The following ZNF431 variants were observed in gnomAD, a reference collection of about 807,000 sequenced individuals.
ZNF431 encodes zinc finger protein 431.
Under a neutral mutation model 57.0 loss-of-function variants are expected in ZNF431, and 34 were observed. That is an observed-to-expected ratio of 0.60 (90% CI 0.45 to 0.79). ZNF431 has a LOEUF of 0.79. Among genes scored for constraint, ZNF431 ranks in the 30% least tolerant of loss-of-function variants. ZNF431 has a pLI of 0.00. For missense variants in ZNF431, 607 were observed against 667.1 expected (o/e 0.91, Z 0.99); for synonymous variants, 207 against 220.3 (o/e 0.94, Z 0.54).
rs182117642 is a variant in ZNF431 at position 21,184,195 on chromosome 19, C to T, written c.*161C>T. The T allele has an allele frequency of 1.1e-3, 639 of 600,628 alleles. 3 individuals are homozygous for T. The African/African-American group carries it at 0.011, about 10-fold the overall frequency. The allele number at this position is 600,628 out of a possible 1,614,324, so 37.2% of individuals were successfully genotyped here. A position where few individuals can be genotyped will look rare whatever the true frequency, so the allele number is the denominator to read the frequency against. Reference sequence around the variant, plus strand: ...TGAAACCCTGTCTCTACTAAAAATACAAAAATTATCTGGGTGTGGTGGCAC... The same window carrying T: ...TGAAACCCTGTCTCTACTAAAAATATAAAAATTATCTGGGTGTGGTGGCAC... On this transcript the variant is annotated 3_prime_UTR_variant, in exon 5 of 5. Transcript: ENST00000311048.
At chr19:21,167,179 G>A (rs1367053768) in intron 3 of ZNF431, among the ~76,000 whole-genome samples, 1 of 138,388 alleles carries the variant, frequency 7.2e-6, no homozygotes, top group Admixed American at 7.5e-5. Context: ...TTTTTTTTTT[G>A]AGATGGAAGT....
intron 1 of ZNF431, among the ~76,000 whole-genome samples, chr19:21,142,991 C>T (rs999750973): frequency 1.3e-5 from 2 of 151,958 alleles, no homozygotes; most frequent in African/African-American, 4.8e-5. Context: ...GCTGATTTTC[C>T]GCTGCATTTT....
chr19:21,185,219 A>G lies in ZNF431; in HGVS notation c.*1185A>G, dbSNP rs1475599098. On this transcript the variant is annotated 3_prime_UTR_variant, in exon 5 of 5. Transcript: ENST00000311048. Reference sequence around the variant, plus strand: ...TGCTAAGTATAGAAAATCTGAAACTAAAGTTGGTAGAAAAGTTATTTGTAT... The same window carrying G: ...TGCTAAGTATAGAAAATCTGAAACTGAAGTTGGTAGAAAAGTTATTTGTAT... 1 of 152,210 alleles carries G rather than the reference A, an allele frequency of 6.6e-6. No individual in the cohort carries two copies. The highest frequency in any genetic ancestry group is 6.5e-5 in the Admixed American group (1 of 15,278). The allele number at this position is 152,210 out of a possible 1,614,324, so 9.4% of individuals were successfully genotyped here.
At chr19:21,162,883 C>A in intron 2 of ZNF431, 1 of 373,670 alleles carries the variant, frequency 2.7e-6, no homozygotes, top group Non-Finnish European at 3.7e-6. Context: ...AGTTGCTCCA[C>A]AAGTAACAAA....
In ZNF431 at chr19:21,166,451, G is replaced by A. The variant is rs756969718; in HGVS notation, c.213G>A (p.Leu71=). The A allele has an allele frequency of 1.1e-5, 17 of 1,605,362 alleles. No individual in the cohort carries two copies. Among genetic ancestry groups the A allele is most frequent in the Non-Finnish European group, 1.4e-5 (17 of 1,177,398 alleles). ...MNVMLENYKN[L]VFLGVAVSKQ... is the part of the protein sequence containing the mutation. Reference sequence around the variant, plus strand: ...TGATGTTAGAAAACTACAAAAACCTGGTCTTCTTGGGTGAGAATAACTTTC... The same window carrying A: ...TGATGTTAGAAAACTACAAAAACCTAGTCTTCTTGGGTGAGAATAACTTTC... The change falls in exon 3 of 5, where the codon CTG becomes CTA. Residue 71 remains leucine (L), a synonymous_variant. Coordinates refer to ENST00000311048, the MANE Select transcript of ZNF431 (RefSeq NM_133473.4).
chr19:21,147,095 T>A (rs79406401), intron 2 of ZNF431, among the ~76,000 whole-genome samples: 1 of 152,256 alleles, frequency 6.6e-6, no homozygotes, highest in African/African-American at 2.4e-5. Context: ...ATTCCTGTTC[T>A]GTTTGATTGT....
chr19:21,174,372 C>T (rs1434612699), intron 4 of ZNF431, among the ~76,000 whole-genome samples: 6 of 152,110 alleles, frequency 3.9e-5, no homozygotes, highest in Admixed American at 2.6e-4. Flanking sequence ...TTTCTTCCTT[C>T]ACCTTTGTCA....
chr19:21,192,802 T>C lies in ZNF431; in HGVS notation c.*8768T>C, dbSNP rs1402407992. On this transcript the variant is annotated 3_prime_UTR_variant, in exon 5 of 5. Coordinates refer to ENST00000311048, the MANE Select transcript of ZNF431 (RefSeq NM_133473.4). ...TTTTCAGCGATTTATCATAAGGGAA[T>C]GTCAAATTCTGTCAAACTTCTATTG... 6.6e-6 allele frequency: 1 copy of C among 152,216 alleles called. No individual in the cohort carries two copies. Among genetic ancestry groups the C allele is most frequent in the East Asian group, 1.9e-4 (1 of 5,198 alleles). 9.4% of individuals were successfully genotyped at this position (152,216 alleles called of 1,614,324 possible).
intron 2 of ZNF431, among the ~76,000 whole-genome samples, chr19:21,152,738 C>T (rs914407999): frequency 3.9e-5 from 6 of 152,088 alleles, no homozygotes; most frequent in African/African-American, 1.4e-4. Flanking sequence ...CAATCCCATC[C>T]TTTACTCAGG....
chr19:21,182,961 A>C lies in ZNF431; in HGVS notation c.658A>C (p.Ser220Arg), dbSNP rs761711022. 9 of 1,614,010 alleles carry C rather than the reference A, an allele frequency of 5.6e-6. No individual in the cohort carries two copies. Among genetic ancestry groups the C allele is most frequent in the Middle Eastern group, 3.3e-4 (2 of 6,084 alleles). Residue 220 changes from serine to arginine, a missense_variant, in exon 5 of 5, where the codon AGT (serine) becomes CGT (arginine). By Grantham distance (110) the Ser-to-Arg change is moderately radical. Coordinates refer to ENST00000311048, the MANE Select transcript of ZNF431 (RefSeq NM_133473.4). The part of the protein sequence containing the change: ...GKSFCMLLHL[S>R]QHKRIHIREN... ...ATCATTTTGCATGCTTTTACACCTAAGTCAACATAAAAGAATTCATATTAG... is the reference window on the plus strand; with the variant it reads ...ATCATTTTGCATGCTTTTACACCTACGTCAACATAAAAGAATTCATATTAG...
intron 2 of ZNF431, among the ~76,000 whole-genome samples, chr19:21,161,881 C>T (rs1040017473): frequency 2.0e-5 from 3 of 152,016 alleles, no homozygotes; most frequent in Admixed American, 6.6e-5. Flanking sequence ...CTCGAACTCC[C>T]GACCTCAGGT....
chr19:21,180,678 G>T (rs1004254736), intron 4 of ZNF431, among the ~76,000 whole-genome samples: 1 of 148,364 alleles, frequency 6.7e-6, no homozygotes, highest in Non-Finnish European at 1.5e-5. Context: ...GCCAGGTGTC[G>T]TGGCTCACAC....
intron 4 of ZNF431, among the ~76,000 whole-genome samples, chr19:21,176,985 AC>A (rs60938439): frequency 0.17 from 26,161 of 152,192 alleles, 2,668 homozygotes; most frequent in African/African-American, 0.28. Context: ...GGCGTGAGCC[AC>A]CACACCTGGT....
intron 4 of ZNF431, among the ~76,000 whole-genome samples, chr19:21,177,555 G>A (rs1423547045): frequency 6.6e-6 from 1 of 152,174 alleles, no homozygotes; most frequent in Non-Finnish European, 1.5e-5. Context: ...GGGAGGCTGA[G>A]GCGGGTGGAT....
chr19:21,146,521 T>G (rs1970101912), intron 2 of ZNF431, among the ~76,000 whole-genome samples: 1 of 152,174 alleles, frequency 6.6e-6, no homozygotes, highest in African/African-American at 2.4e-5. Flanking sequence ...TGGTTATTTC[T>G]TGATTATATG....
rs1283160885 is a variant in ZNF431, at chr19:21,182,893, G to A, written c.590G>A (p.Arg197Lys). 6.2e-7 allele frequency: 1 copy of A among 1,613,960 alleles called. No homozygotes were observed. Among genetic ancestry groups the A allele is most frequent in the South Asian group, 1.1e-5 (1 of 91,070 alleles). ...KFLNANRHKT[R>K]HTGKKPFKCK... ...TTAAATGCAAATAGACATAAGACAA[G>A]ACATACTGGAAAGAAACCTTTCAAA... The change falls in exon 5 of 5, where the codon AGA becomes AAA. Residue 197 changes from arginine (R) to lysine (K), a missense_variant. By Grantham distance (26) the Arg-to-Lys change is conservative (BLOSUM62 2). Transcript: ENST00000311048.
At chr19:21,164,882 A>G (rs1970674740) in intron 2 of ZNF431, among the ~76,000 whole-genome samples, 1 of 151,972 alleles carries the variant, frequency 6.6e-6, no homozygotes, top group East Asian at 1.9e-4. Flanking sequence ...AGGCCGAGGC[A>G]GGTGGATCAC....
At position 21,189,947 on chromosome 19, in the gene ZNF431, C is replaced by G; in HGVS notation, c.*5913C>G. ...TTGCTTGAGCCCAGGAGTTTGAGAC[C>G]AGCCTGGACAACGTGGAAAAACCCC... On this transcript the variant is annotated 3_prime_UTR_variant, in exon 5 of 5. Coordinates refer to ENST00000311048, the MANE Select transcript of ZNF431 (RefSeq NM_133473.4). 2.5e-6 allele frequency: 1 copy of G among 397,714 alleles called. No homozygotes were observed. The highest frequency in any genetic ancestry group is 4.4e-6 in the Non-Finnish European group (1 of 226,016). 24.6% of individuals were successfully genotyped at this position (397,714 alleles called of 1,614,324 possible). A position where few individuals can be genotyped will look rare whatever the true frequency, so the allele number is the denominator to read the frequency against.
chr19:21,159,332 T>G (rs1250633506), intron 2 of ZNF431, among the ~76,000 whole-genome samples: 3 of 151,320 alleles, frequency 2.0e-5, no homozygotes, highest in Middle Eastern at 6.9e-3. Flanking sequence ...AGAATTATGA[T>G]ATATATATAT....
Sources: allele counts gnomAD v4.1 joint callset (sites outside exome capture counted in the v4.1 genomes callset), GRCh38; gene constraint gnomAD v4.1.1; transcripts MANE v1.5; gene names NCBI Gene and HGNC (gene_info 2026-07-23, HGNC 2026-07-21).